Variants in PRKN observed in about 807,000 individuals in gnomAD.
The protein encoded by PRKN is parkin RBR E3 ubiquitin protein ligase, also known as E3 ubiquitin-protein ligase parkin.
Under a neutral mutation model 59.5 loss-of-function variants are expected in PRKN, and 56 were observed. The ratio of observed to expected loss-of-function variants is 0.94; its 90% CI spans 0.76 to 1.18. The LOEUF is 1.18. Ranked by LOEUF, PRKN falls within the 50% of genes most tolerant of loss-of-function variation. The probability of loss-of-function intolerance (pLI) is 0.00; values close to 1 mark genes in which losing one functional copy is unlikely to be tolerated. For synonymous variants in PRKN, 250 were observed against 222.1 expected (o/e 1.13, Z -1.12); for missense variants, 657 against 596.4 (o/e 1.10, Z -1.06).
Position 161,440,565 on chromosome 6 carries a change from C to T in PRKN, c.1084-53688G>A, listed in dbSNP as rs1789161607. On this transcript the variant is annotated intron_variant, in intron 9 of 11. Coordinates refer to ENST00000366898, the MANE Select transcript of PRKN (RefSeq NM_004562.3). The surrounding 1 kb of genome is among the most constrained non-coding windows in gnomAD (Gnocchi z 4.1). ...CGGCAGACACAGAGGGTTCCCTCAC[C>T]AGGGGTCTGGGAGTTGCTGGAAATG... Among the ~76,000 whole-genome samples the T allele has an allele frequency of 6.6e-6, 1 of 152,176 alleles. No individual in the cohort carries two copies. The highest frequency in any genetic ancestry group is 1.5e-5 in the Non-Finnish European group (1 of 68,034).
At chr6:162,304,528 T>TATCTATCTATC (rs1554297806) in intron 2 of PRKN, among the ~76,000 whole-genome samples, 4,469 of 141,554 alleles carry the variant, frequency 0.032, 262 homozygotes, top group East Asian at 0.15. Flanking sequence ...TCTATCTATC[T>TATCTATCTATC]ATCTATCTAT....
chr6:162,099,806 A>C lies in PRKN; in HGVS notation c.535-45632T>G, dbSNP rs1052703208. Among the ~76,000 whole-genome samples, 12 of 152,336 alleles carry C rather than the reference A, an allele frequency of 7.9e-5. No homozygotes were observed. The East Asian group carries it at 2.3e-3, about 29-fold the overall frequency. On this transcript the variant is annotated intron_variant, in intron 4 of 11. Coordinates refer to ENST00000366898, the MANE Select transcript of PRKN (RefSeq NM_004562.3). The stretch of plus-strand genomic sequence containing the variant: ...AATATCTAGTCATTAGTGATTTTCA[A>C]GAATGTAATACATTGTTATTAACTA...
intron 6 of PRKN, among the ~76,000 whole-genome samples, chr6:161,819,398 G>A (rs540683872): frequency 5.9e-5 from 9 of 152,290 alleles, no homozygotes; most frequent in Admixed American, 3.9e-4. Context: ...GGCTAAGGCA[G>A]GAGAATCGCT....
chr6:162,140,067 C>A (rs1195926963), intron 4 of PRKN, among the ~76,000 whole-genome samples: 1 of 152,148 alleles, frequency 6.6e-6, no homozygotes, highest in East Asian at 1.9e-4. Context: ...GATTTTAAGT[C>A]ACTAAATAGT....
At chr6:161,680,755 A>G (rs1283670585) in intron 7 of PRKN, among the ~76,000 whole-genome samples, 1 of 18,068 alleles carries the variant, frequency 5.5e-5, no homozygotes. Flanking sequence ...ATATATATAT[A>G]TATATATATA....
chr6:162,465,934 A>G (rs967641518), intron 1 of PRKN, among the ~76,000 whole-genome samples: 7 of 152,174 alleles, frequency 4.6e-5, no homozygotes, highest in Non-Finnish European at 1.0e-4. Flanking sequence ...TGACTAATAT[A>G]TCTTAATGTA....
At chr6:162,564,386 T>C (rs1198446930) in intron 1 of PRKN, among the ~76,000 whole-genome samples, 2 of 151,638 alleles carry the variant, frequency 1.3e-5, no homozygotes, top group South Asian at 2.1e-4. Context: ...AATTGGCCTA[T>C]TGGCCTTAAA....
chr6:162,377,609 T>C lies in PRKN; in HGVS notation c.171+65701A>G, dbSNP rs565930111. ...TAGACCAACACACGCCACAGGCCCA[T>C]GGCCAGCCTACAGATCGGCTCCCTG... On this transcript the variant is annotated intron_variant, in intron 2 of 11. Coordinates refer to ENST00000366898, the MANE Select transcript of PRKN (RefSeq NM_004562.3). Among the ~76,000 whole-genome samples the C allele has an allele frequency of 1.1e-3, 166 of 152,322 alleles. 1 individual carries two copies. Among genetic ancestry groups the C allele is most frequent in the African/African-American group, 3.8e-3 (160 of 41,572 alleles).
chr6:162,520,149 A>T (rs1312514251), intron 1 of PRKN, among the ~76,000 whole-genome samples: 2 of 152,158 alleles, frequency 1.3e-5, no homozygotes, highest in African/African-American at 4.8e-5. Flanking sequence ...TGGATTTGCA[A>T]ATCAGTTAAT....
intron 1 of PRKN, among the ~76,000 whole-genome samples, chr6:162,525,833 CTATT>C (rs1447564834): frequency 6.6e-6 from 1 of 152,106 alleles, no homozygotes; most frequent in Non-Finnish European, 1.5e-5. Context: ...ATATGATTCA[CTATT>C]TATTTTTAAA....
At chr6:161,981,208 G>A (rs909629348) in intron 5 of PRKN, among the ~76,000 whole-genome samples, 1 of 151,614 alleles carries the variant, frequency 6.6e-6, no homozygotes, top group African/African-American at 2.4e-5. Context: ...CCTGTTTGTA[G>A]CTAACAGCAA....
intron 4 of PRKN, among the ~76,000 whole-genome samples, chr6:162,098,035 G>C (rs894099047): frequency 3.3e-5 from 5 of 152,158 alleles, no homozygotes; most frequent in African/African-American, 1.2e-4. Flanking sequence ...CAAGGCTCAT[G>C]GTTAATAGTG....
Position 161,544,786 on chromosome 6 carries a change from A to AAGGT in PRKN, c.1083+4064_1083+4067dup, listed in dbSNP as rs1301885051. Among the ~76,000 whole-genome samples, 1 of 152,214 alleles carries AAGGT rather than the reference A, an allele frequency of 6.6e-6. No individual in the cohort carries two copies. The highest frequency in any genetic ancestry group is 2.4e-5 in the African/African-American group (1 of 41,456). On this transcript the variant is annotated intron_variant, in intron 9 of 11. Transcript: ENST00000366898. This position sits in a 1 kb window ranked among gnomAD's most constrained non-coding sequence, Gnocchi z 5.5. Reference sequence around the variant, plus strand: ...AAATCCCTGTCTTCATTTATTAGTTAAGGTACATTGCTCCTCGGGGAACAG... The same window carrying AAGGT: ...AAATCCCTGTCTTCATTTATTAGTTAAGGTAGGTACATTGCTCCTCGGGGAACAG...
At chr6:162,053,479 A>G (rs1386609936) in intron 5 of PRKN, among the ~76,000 whole-genome samples, 2 of 152,192 alleles carry the variant, frequency 1.3e-5, no homozygotes, top group Admixed American at 1.3e-4. Flanking sequence ...TTAACTTAAA[A>G]ATAAATTCAG....
At chr6:162,404,325 G>T (rs573951861) in intron 2 of PRKN, among the ~76,000 whole-genome samples, 2 of 149,386 alleles carry the variant, frequency 1.3e-5, no homozygotes, top group Non-Finnish European at 3.0e-5. Flanking sequence ...AGCCGAGATC[G>T]CACGATTGCA....
At chr6:161,621,537 C>T (rs1782898689) in intron 7 of PRKN, among the ~76,000 whole-genome samples, 1 of 152,060 alleles carries the variant, frequency 6.6e-6, no homozygotes, top group African/African-American at 2.4e-5. Flanking sequence ...CTATATAGGC[C>T]CCCAGGAGCC....
chr6:162,683,535 A>T (rs988245936), intron 1 of PRKN, among the ~76,000 whole-genome samples: 2 of 152,192 alleles, frequency 1.3e-5, no homozygotes, highest in African/African-American at 4.8e-5. Context: ...TAAGTGACTC[A>T]CAGATCATTA....
chr6:161,725,089 G>T (rs1008166485), intron 7 of PRKN, among the ~76,000 whole-genome samples: 5 of 152,202 alleles, frequency 3.3e-5, no homozygotes, highest in African/African-American at 1.2e-4. Flanking sequence ...GAGCCTAGCA[G>T]ACGCTGGCGC....
In PRKN at chr6:162,656,432, T is replaced by C. The variant is rs12194499; in HGVS notation, c.7+71230A>G. On this transcript the variant is annotated intron_variant, in intron 1 of 11. Transcript: ENST00000366898. ...TCTCATCTTCTCCCAGAAATCAGGATGCTAGTGAATGGCCTCACCCTCCAT... is the reference window on the plus strand; with the variant it reads ...TCTCATCTTCTCCCAGAAATCAGGACGCTAGTGAATGGCCTCACCCTCCAT... Among the ~76,000 whole-genome samples the C allele has an allele frequency of 5.7e-3, 868 of 152,298 alleles. 6 individuals are homozygous for C. Among genetic ancestry groups the C allele is most frequent in the Middle Eastern group, 0.02 (6 of 294 alleles).
Sources: gnomAD v4.1 joint callset for allele counts (sites outside exome capture counted in the v4.1 genomes callset) on GRCh38, gnomAD v4.1.1 for gene constraint, Gnocchi (gnomAD v3.1) non-coding constraint, MANE v1.5 for transcripts, NCBI Gene and HGNC (gene_info 2026-07-23, HGNC 2026-07-21) for gene names.